The following CLYBL variants were observed in gnomAD, a reference collection of about 807,000 sequenced individuals.
CLYBL encodes citramalyl-CoA lyase.
Under a neutral mutation model 38.9 loss-of-function variants are expected in CLYBL, and 31 were observed. The ratio of observed to expected loss-of-function variants is 0.80; its 90% CI spans 0.60 to 1.08. The LOEUF is 1.08. CLYBL is among the 50% of genes least tolerant of loss of function. CLYBL has a pLI of 0.00. For missense variants in CLYBL, 434 were observed against 411.6 expected (o/e 1.05, Z -0.47); for synonymous variants, 171 against 158.6 (o/e 1.08, Z -0.59).
intron 1 of CLYBL, among the ~76,000 whole-genome samples, chr13:99,695,270 C>T (rs1274889761): frequency 6.6e-6 from 1 of 152,130 alleles, no homozygotes; most frequent in Non-Finnish European, 1.5e-5. Context: ...CTCCATACCC[C>T]TTGCAAAGTT....
At chr13:99,780,869 A>G (rs1325418045) in intron 2 of CLYBL, among the ~76,000 whole-genome samples, 5 of 151,330 alleles carry the variant, frequency 3.3e-5, no homozygotes, top group Admixed American at 2.0e-4. Flanking sequence ...GCCTGCCACC[A>G]CACCTGGCTC....
intron 1 of CLYBL, among the ~76,000 whole-genome samples, chr13:99,742,010 C>A (rs1276827301): frequency 6.6e-6 from 1 of 152,136 alleles, no homozygotes; most frequent in Non-Finnish European, 1.5e-5. Flanking sequence ...AAAATGAGGG[C>A]AATTCTGTGT....
At chr13:99,699,161 G>A (rs555345761) in intron 1 of CLYBL, among the ~76,000 whole-genome samples, 2 of 151,878 alleles carry the variant, frequency 1.3e-5, no homozygotes, top group East Asian at 3.9e-4. Context: ...CGAGGTGAGC[G>A]GATCACCTGA....
At chr13:99,733,693 C>T (rs139376464) in intron 1 of CLYBL, among the ~76,000 whole-genome samples, 69 of 152,352 alleles carry the variant, frequency 4.5e-4, no homozygotes, top group African/African-American at 1.4e-3. Flanking sequence ...GCCATGCGCA[C>T]GTCTCTGTTC....
At position 99,772,011 on chromosome 13, in the gene CLYBL, C is replaced by T. The variant is rs183041231; in HGVS notation, c.63-813C>T. 3.3e-5 allele frequency among the ~76,000 whole-genome samples: 5 copies of T among 152,330 alleles called. No individual in the cohort carries two copies. In the East Asian group the frequency reaches 9.6e-4, roughly 29 times the overall value. ...GTCCTTCCTACTCACTTAAAAAGAA[C>T]CAGTCTATCTTGTCTTGTTAAAATT... On this transcript the variant is annotated intron_variant, in intron 1 of 8. Coordinates refer to ENST00000339105, the MANE Select transcript of CLYBL (RefSeq NM_206808.5).
intron 1 of CLYBL, among the ~76,000 whole-genome samples, chr13:99,672,472 C>T (rs192819577): frequency 4.6e-5 from 7 of 152,040 alleles, no homozygotes; most frequent in African/African-American, 1.7e-4. Flanking sequence ...TATTTCAGGT[C>T]TATAATAAAT....
chr13:99,778,645 A>G (rs555959367), intron 2 of CLYBL, among the ~76,000 whole-genome samples: 8 of 152,278 alleles, frequency 5.3e-5, no homozygotes, highest in Middle Eastern at 3.4e-3. Context: ...CACCTTCCCA[A>G]GCACGGATGA....
chr13:99,784,259 T>A (rs1231653335), intron 2 of CLYBL, among the ~76,000 whole-genome samples: 1 of 152,182 alleles, frequency 6.6e-6, no homozygotes, highest in Non-Finnish European at 1.5e-5. Flanking sequence ...TTGCTCCTAC[T>A]GAAAGTCAAA....
At chr13:99,793,203 A>T (rs778542207) in intron 2 of CLYBL, among the ~76,000 whole-genome samples, 2 of 152,178 alleles carry the variant, frequency 1.3e-5, no homozygotes, top group Non-Finnish European at 2.9e-5. Context: ...GGCTAGGTGT[A>T]TACTTCCCAC....
At chr13:99,880,068 A>ATATATATATATATATTT (rs34063235) in intron 7 of CLYBL, among the ~76,000 whole-genome samples, 2 of 101,210 alleles carry the variant, frequency 2.0e-5, no homozygotes, top group African/African-American at 8.1e-5. Flanking sequence ...ATATATATAT[A>ATATATATATATATATTT]TTTTTTTTTT....
At chr13:99,867,079 A>G (rs1789784372) in intron 6 of CLYBL, among the ~76,000 whole-genome samples, 1 of 152,180 alleles carries the variant, frequency 6.6e-6, no homozygotes, top group Non-Finnish European at 1.5e-5. Flanking sequence ...TGTTTTTACA[A>G]CAGAGATCTA....
chr13:99,675,323 A>ATATACTTGATGTGTC (rs2047628112), intron 1 of CLYBL, among the ~76,000 whole-genome samples: 1 of 151,858 alleles, frequency 6.6e-6, no homozygotes. Flanking sequence ...CTATATGTGT[A>ATATACTTGATGTGTC]TATACTTTAT....
intron 1 of CLYBL, among the ~76,000 whole-genome samples, chr13:99,705,789 A>G (rs1019825457): frequency 4.6e-5 from 7 of 152,066 alleles, no homozygotes; most frequent in Admixed American, 4.6e-4. Context: ...GTGGGCTTAC[A>G]GTTTCAGTAG....
At chr13:99,631,414 TTACA>T (rs1296789238) in intron 1 of CLYBL, among the ~76,000 whole-genome samples, 4 of 151,806 alleles carry the variant, frequency 2.6e-5, no homozygotes, top group African/African-American at 4.8e-5. Flanking sequence ...TATACATATA[TTACA>T]TACATATATG....
At position 99,708,048 on chromosome 13, in the gene CLYBL, A is replaced by G. The variant is rs144838359; in HGVS notation, c.63-64776A>G. 2.2e-4 allele frequency among the ~76,000 whole-genome samples: 33 copies of G among 152,214 alleles called. No homozygotes were observed. In the East Asian group the frequency reaches 5.8e-3, roughly 27 times the overall value. On this transcript the variant is annotated intron_variant, in intron 1 of 8. Transcript: ENST00000339105. Reference sequence around the variant, plus strand: ...ACCCAGGCTGGATTGAAGTGGCGCAATCTCAGCTCACTGCAACTTCCACCC... The same window carrying G: ...ACCCAGGCTGGATTGAAGTGGCGCAGTCTCAGCTCACTGCAACTTCCACCC...
chr13:99,695,517 T>C (rs896679170), intron 1 of CLYBL, among the ~76,000 whole-genome samples: 10 of 151,080 alleles, frequency 6.6e-5, no homozygotes, highest in Non-Finnish European at 1.5e-4. Context: ...TGTGTGACAT[T>C]TTTTTTTTCC....
intron 9 of CLYBL, among the ~76,000 whole-genome samples, chr13:99,906,022 C>T (rs1566374930): frequency 6.6e-6 from 1 of 152,158 alleles, no homozygotes; most frequent in Non-Finnish European, 1.5e-5. Context: ...GATCCACCTG[C>T]CTCAGCCTCC....
intron 2 of CLYBL, among the ~76,000 whole-genome samples, chr13:99,824,225 T>C (rs997646985): frequency 6.6e-6 from 1 of 152,054 alleles, no homozygotes; most frequent in Non-Finnish European, 1.5e-5. Context: ...GGTCTAATTT[T>C]TTCTACTAGC....
At chr13:99,676,161 C>G (rs1298065037) in intron 1 of CLYBL, among the ~76,000 whole-genome samples, 1 of 150,904 alleles carries the variant, frequency 6.6e-6, no homozygotes, top group South Asian at 2.1e-4. Flanking sequence ...TGGCCACAGA[C>G]TGGCTTCCTT....
Sources: allele counts gnomAD v4.1 joint callset (sites outside exome capture counted in the v4.1 genomes callset), GRCh38; gene constraint gnomAD v4.1.1; transcripts MANE v1.5; gene names NCBI Gene and HGNC (gene_info 2026-07-23, HGNC 2026-07-21).